Variants in LRRC4C observed in about 807,000 individuals in gnomAD.
LRRC4C encodes the protein leucine-rich repeat-containing protein 4C.
A neutral mutation model predicts 33.6 loss-of-function variants in LRRC4C; 5 were observed. That is an observed-to-expected ratio of 0.15 (90% CI 0.08 to 0.31). LRRC4C has a LOEUF of 0.31. Ranked by LOEUF, LRRC4C falls within the 10% of genes least tolerant of loss-of-function variation. LRRC4C has a pLI of 1.00. For synonymous variants in LRRC4C, 329 were observed against 302.0 expected (o/e 1.09, Z -0.93); for missense variants, 560 against 796.7 (o/e 0.70, Z 3.58).
At chr11:41,243,087 T>C (rs1565511523) in intron 1 of LRRC4C, among the ~76,000 whole-genome samples, 2 of 152,236 alleles carry the variant, frequency 1.3e-5, no homozygotes, top group Admixed American at 6.5e-5. Context: ...TCAAAGTTTA[T>C]GTCAAATCCC....
intron 2 of LRRC4C, among the ~76,000 whole-genome samples, chr11:40,712,642 A>G (rs1216714438): frequency 6.6e-6 from 1 of 152,184 alleles, no homozygotes; most frequent in African/African-American, 2.4e-5. Flanking sequence ...AAAAATACAA[A>G]TGTAATTATA....
At chr11:41,008,303 A>C (rs1385865285) in intron 1 of LRRC4C, among the ~76,000 whole-genome samples, 1 of 152,036 alleles carries the variant, frequency 6.6e-6, no homozygotes, top group African/African-American at 2.4e-5. Flanking sequence ...ATTTAGAACC[A>C]CCCTAACTCT....
At chr11:40,606,576 G>T (rs1260682501) in intron 3 of LRRC4C, among the ~76,000 whole-genome samples, 3 of 151,686 alleles carry the variant, frequency 2.0e-5, no homozygotes, top group African/African-American at 7.3e-5. Context: ...CTAAAAAAAA[G>T]AGGTATGTAA....
chr11:41,302,327 G>A (rs1228429449), intron 1 of LRRC4C, among the ~76,000 whole-genome samples: 1 of 152,160 alleles, frequency 6.6e-6, no homozygotes, highest in East Asian at 1.9e-4. Context: ...CAGAAACAAG[G>A]GAGGGGAAGC....
rs1010213907 is a variant in LRRC4C at position 40,415,283 on chromosome 11, A to T, written c.-269-95562T>A. Among the ~76,000 whole-genome samples, 11 of 152,224 alleles carry T rather than the reference A, an allele frequency of 7.2e-5. No individual in the cohort carries two copies. The South Asian group carries it at 2.1e-3, about 29-fold the overall frequency. Reference sequence around the variant, plus strand: ...TGTAGTCACATACAAGCTCATGCTCAGAAGAGCCAATGGCTTGGTTTAATG... The same window carrying T: ...TGTAGTCACATACAAGCTCATGCTCTGAAGAGCCAATGGCTTGGTTTAATG... On this transcript the variant is annotated intron_variant, in intron 3 of 6. Coordinates refer to ENST00000528697, the MANE Select transcript of LRRC4C (RefSeq NM_001258419.2).
At chr11:40,958,591 C>T (rs1404936084) in intron 1 of LRRC4C, among the ~76,000 whole-genome samples, 2 of 151,654 alleles carry the variant, frequency 1.3e-5, no homozygotes, top group East Asian at 3.9e-4. Flanking sequence ...GGATGAAGCT[C>T]CTCATTTCTT....
chr11:41,318,921 G>A (rs1199489324), intron 1 of LRRC4C, among the ~76,000 whole-genome samples: 4 of 152,218 alleles, frequency 2.6e-5, no homozygotes, highest in Admixed American at 6.5e-5. Flanking sequence ...ACCTTAATTC[G>A]CTTACAATTT....
intron 1 of LRRC4C, among the ~76,000 whole-genome samples, chr11:40,973,883 C>G (rs1189824983): frequency 6.6e-6 from 1 of 151,926 alleles, no homozygotes; most frequent in African/African-American, 2.4e-5. Flanking sequence ...GATAAAACAG[C>G]CCCGAGCCCA....
chr11:40,384,575 G>A (rs1271084663), intron 3 of LRRC4C, among the ~76,000 whole-genome samples: 2 of 152,096 alleles, frequency 1.3e-5, no homozygotes, highest in African/African-American at 4.8e-5. Context: ...TTCTCACTAT[G>A]CTATCAGAGA....
chr11:41,141,564 C>T (rs574879747), intron 1 of LRRC4C, among the ~76,000 whole-genome samples: 3 of 152,086 alleles, frequency 2.0e-5, no homozygotes, highest in Non-Finnish European at 4.4e-5. Context: ...AAGGGCAGGA[C>T]CAGTGGAGAT....
intron 1 of LRRC4C, among the ~76,000 whole-genome samples, chr11:41,178,980 C>G (rs1452395317): frequency 6.6e-6 from 1 of 152,062 alleles, no homozygotes; most frequent in Non-Finnish European, 1.5e-5. Flanking sequence ...GGATTACAAG[C>G]CTGAGCCACC....
intron 5 of LRRC4C, among the ~76,000 whole-genome samples, chr11:40,187,291 T>C (rs1296185960): frequency 6.6e-6 from 1 of 151,700 alleles, no homozygotes; most frequent in East Asian, 1.9e-4. Context: ...TGAGAATACT[T>C]CAAGGTGAAA....
chr11:40,798,790 C>T (rs966634278), intron 2 of LRRC4C, among the ~76,000 whole-genome samples: 1 of 151,662 alleles, frequency 6.6e-6, no homozygotes, highest in African/African-American at 2.4e-5. Context: ...ATTACAGGCA[C>T]CTGCCACCAT....
chr11:41,170,997 G>C (rs1944951573), intron 1 of LRRC4C, among the ~76,000 whole-genome samples: 5 of 152,056 alleles, frequency 3.3e-5, no homozygotes, highest in African/African-American at 7.2e-5. Context: ...AAAAACACAT[G>C]AAAAAATGCT....
chr11:40,397,418 GA>G (rs894388115), intron 3 of LRRC4C, among the ~76,000 whole-genome samples: 1 of 151,736 alleles, frequency 6.6e-6, no homozygotes, highest in Non-Finnish European at 1.5e-5. Context: ...ACTGTAAAAA[GA>G]AAAAAACGTT....
At chr11:40,188,575 A>T (rs572604276) in intron 5 of LRRC4C, among the ~76,000 whole-genome samples, 1 of 152,302 alleles carries the variant, frequency 6.6e-6, no homozygotes, top group East Asian at 1.9e-4. Flanking sequence ...ATGGTTTCAA[A>T]AGGTTTGAAC....
chr11:41,039,677 G>C (rs1857307586), intron 1 of LRRC4C, among the ~76,000 whole-genome samples: 1 of 152,154 alleles, frequency 6.6e-6, no homozygotes, highest in South Asian at 2.1e-4. Context: ...CAGGAAATCT[G>C]AGAGCGCTGG....
intron 3 of LRRC4C, among the ~76,000 whole-genome samples, chr11:40,342,020 T>C (rs1946891008): frequency 1.3e-5 from 2 of 151,414 alleles, no homozygotes; most frequent in African/African-American, 4.8e-5. Context: ...ACAAAATAAG[T>C]CTTTTTAAAG....
chr11:40,562,916 T>C (rs1957606482), intron 3 of LRRC4C, among the ~76,000 whole-genome samples: 1 of 151,912 alleles, frequency 6.6e-6, no homozygotes, highest in Non-Finnish European at 1.5e-5. Flanking sequence ...CTCTTTCTAC[T>C]CGATCATCAC....
Sources: gnomAD v4.1 joint callset for allele counts (sites outside exome capture counted in the v4.1 genomes callset) on GRCh38, gnomAD v4.1.1 for gene constraint, MANE v1.5 for transcripts, NCBI Gene and HGNC (gene_info 2026-07-23, HGNC 2026-07-21) for gene names.